Variants in SNAP91 observed in about 807,000 individuals in gnomAD.
SNAP91 encodes the protein synaptosome associated protein 91.
In SNAP91, 27 loss-of-function variants were observed where a neutral mutation model predicts 100.3. That is an observed-to-expected ratio of 0.27 (90% CI 0.20 to 0.37). SNAP91 has a LOEUF of 0.37. Ranked by LOEUF, SNAP91 falls within the 10% of genes least tolerant of loss-of-function variation. The pLI is 1.00. For synonymous variants in SNAP91, 404 were observed against 398.6 expected (o/e 1.01, Z -0.16); for missense variants, 986 against 1,123.7 (o/e 0.88, Z 1.75).
At chr6:83,651,889 T>C (rs371165790) in intron 7 of SNAP91, among the ~76,000 whole-genome samples, 1 of 152,196 alleles carries the variant, frequency 6.6e-6, no homozygotes, top group African/African-American at 2.4e-5. Flanking sequence ...CTTGCAGTTC[T>C]AGCAGTTTTT....
chr6:83,628,509 T>C (rs1266020251), intron 8 of SNAP91, among the ~76,000 whole-genome samples: 1 of 151,458 alleles, frequency 6.6e-6, no homozygotes, highest in Non-Finnish European at 1.5e-5. Context: ...ACCACATCCA[T>C]GCCAACATCT....
intron 2 of SNAP91, among the ~76,000 whole-genome samples, chr6:83,701,440 A>G (rs1026450836): frequency 2.0e-5 from 3 of 151,614 alleles, no homozygotes; most frequent in Admixed American, 2.0e-4. Context: ...ATGACACATC[A>G]AAAATTCTTT....
At chr6:83,695,968 T>A (rs2099203846) in intron 2 of SNAP91, among the ~76,000 whole-genome samples, 1 of 151,810 alleles carries the variant, frequency 6.6e-6, no homozygotes, top group African/African-American at 2.4e-5. Context: ...CACAAAGCAG[T>A]GAGGAGATGC....
chr6:83,601,503 G>C (rs1325844602), intron 15 of SNAP91, 65 bp from the exon 16 acceptor site: 1 of 1,609,892 alleles, frequency 6.2e-7, no homozygotes, highest in Non-Finnish European at 8.5e-7. Context: ...AGATATACCA[G>C]ACTCCAAATG....
chr6:83,581,718 C>T (rs1032221812), intron 23 of SNAP91, among the ~76,000 whole-genome samples: 2 of 152,092 alleles, frequency 1.3e-5, no homozygotes, highest in Admixed American at 6.5e-5. Flanking sequence ...AAGGACCCAG[C>T]ATGGGAAGAG....
At chr6:83,575,290 GT>G in intron 25 of SNAP91, 169 bp from the exon 26 acceptor site, 1 of 593,840 alleles carries the variant, frequency 1.7e-6, no homozygotes, top group Non-Finnish European at 2.9e-6. Context: ...TTGCCATGCT[GT>G]AACTAAGAAA....
chr6:83,649,758 T>C (rs2098117823), intron 7 of SNAP91, among the ~76,000 whole-genome samples: 1 of 151,536 alleles, frequency 6.6e-6, no homozygotes, highest in Non-Finnish European at 1.5e-5. Flanking sequence ...TTTTTTTTTT[T>C]CGTTATTTTT....
chr6:83,607,895 C>A, intron 12 of SNAP91, 87 bp from the exon 13 acceptor site: 1 of 578,896 alleles, frequency 1.7e-6, no homozygotes, highest in Non-Finnish European at 2.8e-6. Context: ...ATAACCATGA[C>A]ATGCCCAGCA....
At chr6:83,610,710 AAT>A (rs747428612) in intron 11 of SNAP91, 33 bp from the exon 12 acceptor site, 6,606 of 210,972 alleles carry the variant, frequency 0.031, 182 homozygotes, top group Admixed American at 0.054. Context: ...ATTAAAACTG[AAT>A]ATATATATAT....
chr6:83,665,420 A>G lies in SNAP91; in HGVS notation c.273+19T>C. Reference sequence around the variant, plus strand: ...AGCCTCCTTCCTCCATCAAAAAAAGAAAAGTTTACTTAGTTTACCTCATTT... The same window carrying G: ...AGCCTCCTTCCTCCATCAAAAAAAGGAAAGTTTACTTAGTTTACCTCATTT... On this transcript the variant is annotated intron_variant, in intron 3 of 29. Coordinates refer to ENST00000369694, the MANE Select transcript of SNAP91 (RefSeq NM_001242792.2). 6.2e-7 allele frequency: 1 copy of G among 1,603,614 alleles called. No homozygotes were observed. Among genetic ancestry groups the G allele is most frequent in the Non-Finnish European group, 8.5e-7 (1 of 1,175,706 alleles).
At chr6:83,587,727 T>C (rs1274267852) in intron 22 of SNAP91, among the ~76,000 whole-genome samples, 1 of 152,134 alleles carries the variant, frequency 6.6e-6, no homozygotes, top group East Asian at 1.9e-4. Flanking sequence ...AATGTGACTG[T>C]GGTTTTATAT....
intron 7 of SNAP91, among the ~76,000 whole-genome samples, chr6:83,652,664 T>C (rs2098257143): frequency 1.3e-5 from 2 of 152,158 alleles, no homozygotes; most frequent in African/African-American, 4.8e-5. Context: ...AGTTTTTATT[T>C]TACCTTCACT....
intron 2 of SNAP91, among the ~76,000 whole-genome samples, chr6:83,685,037 T>C (rs1381392299): frequency 6.6e-6 from 1 of 152,244 alleles, no homozygotes; most frequent in Non-Finnish European, 1.5e-5. Flanking sequence ...TACTCCTTTA[T>C]GGATCTAAGT....
At chr6:83,564,838 G>A (rs1794344018) in intron 26 of SNAP91, among the ~76,000 whole-genome samples, 1 of 151,894 alleles carries the variant, frequency 6.6e-6, no homozygotes, top group South Asian at 2.1e-4. Flanking sequence ...CAAGACCTAT[G>A]ATTAAGGCAA....
rs188861131 is a variant in SNAP91 at position 83,650,289 on chromosome 6, T to G, written c.658+6465A>C. On this transcript the variant is annotated intron_variant, in intron 7 of 29. Transcript: ENST00000369694. ...GAAGACATCTAAGACATTAGCTAAT[T>G]TACCTCAGTTGTTTTATGAATATTG... Among the ~76,000 whole-genome samples, 65 of 152,322 alleles carry G rather than the reference T, an allele frequency of 4.3e-4. 2 individuals are homozygous for G. In the East Asian group the frequency reaches 9.8e-3, roughly 23 times the overall value.
At chr6:83,630,695 T>C (rs1196319378) in intron 8 of SNAP91, among the ~76,000 whole-genome samples, 1 of 152,126 alleles carries the variant, frequency 6.6e-6, no homozygotes, top group Non-Finnish European at 1.5e-5. Context: ...CTGTCTCCCA[T>C]TTCATTTCTT....
intron 14 of SNAP91, among the ~76,000 whole-genome samples, chr6:83,605,217 A>T (rs2095535030): frequency 6.6e-6 from 1 of 152,132 alleles, no homozygotes; most frequent in Admixed American, 6.5e-5. Flanking sequence ...TTTCAACTGT[A>T]TGAAGTCAAA....
At chr6:83,632,842 C>A (rs962897653) in intron 8 of SNAP91, among the ~76,000 whole-genome samples, 14 of 152,152 alleles carry the variant, frequency 9.2e-5, no homozygotes, top group African/African-American at 3.1e-4. Context: ...TCTGGTGCCT[C>A]CCTAATTAGC....
intron 7 of SNAP91, among the ~76,000 whole-genome samples, chr6:83,645,269 T>A (rs9449674): frequency 0.065 from 9,847 of 152,088 alleles, 1,023 homozygotes; most frequent in African/African-American, 0.22. Context: ...AGAAAAATAC[T>A]TTTTTAAAGA....
Sources: gnomAD v4.1 joint callset for allele counts (sites outside exome capture counted in the v4.1 genomes callset) on GRCh38, gnomAD v4.1.1 for gene constraint, MANE v1.5 for transcripts, NCBI Gene and HGNC (gene_info 2026-07-23, HGNC 2026-07-21) for gene names.